The following CFAP46 variants were observed in gnomAD, a reference collection of about 807,000 sequenced individuals.
The protein encoded by CFAP46 is cilia- and flagella-associated protein 46.
CFAP46 carries 245 observed loss-of-function variants against 325.7 expected under a neutral mutation model. The observed-to-expected ratio is 0.75, with a 90% CI of 0.68 to 0.84. The LOEUF is 0.84. Among genes scored for constraint, CFAP46 ranks in the 40% least tolerant of loss-of-function variants. The pLI, the probability that CFAP46 is intolerant of heterozygous loss-of-function variation, is 0.00. For missense variants in CFAP46, 3,346 were observed against 3,543.0 expected (o/e 0.94, Z 1.41); for synonymous variants, 1,523 against 1,495.9 (o/e 1.02, Z -0.42).
rs758060446 is a variant in CFAP46 at position 132,918,510 on chromosome 10, C to T, written c.1869G>A (p.Lys623=). The change falls in exon 16 of 58, where the codon AAG becomes AAA. Residue 623 remains lysine, a synonymous_variant. Coordinates refer to ENST00000368586, the MANE Select transcript of CFAP46 (RefSeq NM_001200049.3). ...KKLRLRRGKK[K]RGRDGSVQDT... ...CCTGCACCGAGCCGTCCCTACCTCG[C>T]TTCTTCTTCCCTGAGAGAAATGGCA... 43 of 1,517,170 alleles carry T rather than the reference C, an allele frequency of 2.8e-5. 1 individual carries two copies. Among genetic ancestry groups the T allele is most frequent in the Admixed American group, 2.1e-4 (10 of 47,208 alleles). The allele number at this position is 1,517,170 out of a possible 1,614,324, so 94.0% of individuals were successfully genotyped here. A position where few individuals can be genotyped will look rare whatever the true frequency, so the allele number is the denominator to read the frequency against.
chr10:132,941,993 T>A lies in CFAP46; in HGVS notation c.161A>T (p.Glu54Val). ...FSPDLFVLCAEQALKMRQPEV... is the reference protein window; with the variant it reads ...FSPDLFVLCAVQALKMRQPEV... ...GGAACTAGTTACCTTCAGGGCCTGC[T>A]CTGCACACAGAACAAACAGGTCTGG... is the stretch of plus-strand genomic sequence containing the variant. Residue 54 changes from glutamate to valine, a missense_variant, in exon 2 of 58, where the codon GAG (glutamate) becomes GTG (valine). Physicochemically the swap from Glu to Val is moderately radical, Grantham distance 121 (BLOSUM62 -2). Coordinates refer to ENST00000368586, the MANE Select transcript of CFAP46 (RefSeq NM_001200049.3). 6.4e-7 allele frequency: 1 copy of A among 1,551,862 alleles called. No individual in the cohort carries two copies. The highest frequency in any genetic ancestry group is 8.7e-7 in the Non-Finnish European group (1 of 1,147,056).
chr10:132,848,919 G>A (rs971807160), intron 41 of CFAP46, among the ~76,000 whole-genome samples: 18 of 152,044 alleles, frequency 1.2e-4, no homozygotes, highest in African/African-American at 4.1e-4. Context: ...ATCAAAACTT[G>A]GGAGACTAAA....
intron 19 of CFAP46, among the ~76,000 whole-genome samples, chr10:132,910,536 A>C (rs1849526531): frequency 6.6e-6 from 1 of 152,250 alleles, no homozygotes. Flanking sequence ...CCGTGTGACC[A>C]GGTGAGTTTC....
Position 132,909,226 on chromosome 10 carries a change from T to G in CFAP46, c.2668A>C (p.Ser890Arg). The G allele has an allele frequency of 6.5e-7, 1 of 1,550,352 alleles. No individual in the cohort carries two copies. The highest frequency in any genetic ancestry group is 1.2e-5 in the South Asian group (1 of 84,058). Residue 890 changes from serine to arginine, a missense_variant, in exon 21 of 58, where the codon AGC becomes CGC. Ser to Arg is a moderately radical substitution (Grantham distance 110). Transcript: ENST00000368586. Reference protein sequence around the residue: ...TEEQGTNEDVSSVTRVLVALE... With the variant: ...TEEQGTNEDVRSVTRVLVALE... ...GCAACGAGGACTCTGGTCACCGAGC[T>G]GACATCCTCATTGGTGCCCTGGTGG...
chr10:132,941,948 T>C (rs1306831700), intron 2 of CFAP46, 32 bp downstream of exon 2: 9 of 1,550,416 alleles, frequency 5.8e-6, no homozygotes, highest in Non-Finnish European at 6.1e-6. Flanking sequence ...CTGTCAAAGC[T>C]GCCCTGACCG....
At chr10:132,814,806 C>T (rs764378524) in intron 51 of CFAP46, 38 bp downstream of exon 51, 14 of 1,613,678 alleles carry the variant, frequency 8.7e-6, no homozygotes, top group Non-Finnish European at 1.0e-5. Context: ...TCCCGCTGTG[C>T]CCACCAGCCC....
chr10:132,813,851 G>A (rs959667921), intron 54 of CFAP46, among the ~76,000 whole-genome samples: 2 of 152,256 alleles, frequency 1.3e-5, no homozygotes, highest in Non-Finnish European at 2.9e-5. Context: ...GGGGGGCAGA[G>A]TCTGCGAGTG....
chr10:132,839,254 C>A (rs564430807), intron 44 of CFAP46, among the ~76,000 whole-genome samples: 3 of 152,350 alleles, frequency 2.0e-5, no homozygotes, highest in African/African-American at 7.2e-5. Flanking sequence ...CCCTGTGTCT[C>A]CCGTGGCCAC....
intron 45 of CFAP46, among the ~76,000 whole-genome samples, 180 bp downstream of exon 45, chr10:132,836,635 GCC>G (rs3833717): frequency 0.026 from 3,877 of 151,862 alleles, 89 homozygotes; most frequent in African/African-American, 0.061. Flanking sequence ...TCTCTGGACG[GCC>G]CCCCCCCCTT....
intron 22 of CFAP46, 128 bp downstream of exon 22, chr10:132,908,340 G>A: frequency 1.7e-6 from 2 of 1,165,714 alleles, no homozygotes; most frequent in Admixed American, 2.2e-5. Flanking sequence ...CGCGGCCCAG[G>A]CCCGCGCTCC....
At chr10:132,810,089 C>T (rs1022784496) in intron 57 of CFAP46, among the ~76,000 whole-genome samples, 1 of 152,184 alleles carries the variant, frequency 6.6e-6, no homozygotes. Flanking sequence ...CCCCTGGGCT[C>T]GTGGGGATTG....
chr10:132,809,185 G>A (rs896726935), intron 57 of CFAP46, among the ~76,000 whole-genome samples: 12 of 152,124 alleles, frequency 7.9e-5, no homozygotes, highest in South Asian at 2.1e-4. Context: ...CTGCTCTGCT[G>A]GGGGGGCGCC....
chr10:132,840,921 G>T (rs909697859), intron 44 of CFAP46, among the ~76,000 whole-genome samples: 4 of 152,196 alleles, frequency 2.6e-5, no homozygotes, highest in African/African-American at 4.8e-5. Context: ...AGAGTCCGGG[G>T]TGGCACAGGG....
chr10:132,934,773 A>G lies in CFAP46; in HGVS notation c.845T>C (p.Phe282Ser). The change falls in exon 8 of 58, where the codon TTT (phenylalanine) becomes TCT (serine). Residue 282 changes from phenylalanine to serine, a missense_variant. Transcript: ENST00000368586. ...TTACTTTTCTTCACTGATAGAGGGAAAGCGCTGGTGGTTGTAATGACCTAA... is the reference window on the plus strand; with the variant it reads ...TTACTTTTCTTCACTGATAGAGGGAGAGCGCTGGTGGTTGTAATGACCTAA... ...RHLGHYNHQRFPSISEEKMLL... is the reference protein window; with the variant it reads ...RHLGHYNHQRSPSISEEKMLL... The G allele has an allele frequency of 6.9e-7, 1 of 1,454,166 alleles. No homozygotes were observed. The highest frequency in any genetic ancestry group is 9.7e-7 in the Non-Finnish European group (1 of 1,036,052). 90.1% of individuals were successfully genotyped at this position (1,454,166 alleles called of 1,614,324 possible).
chr10:132,858,632 CT>C (rs1315290271), intron 38 of CFAP46, among the ~76,000 whole-genome samples: 1 of 152,124 alleles, frequency 6.6e-6, no homozygotes, highest in African/African-American at 2.4e-5. Flanking sequence ...GGGCCACCTC[CT>C]GAGGTCAGGG....
chr10:132,814,666 CG>C lies in CFAP46; in HGVS notation c.7249+19del, dbSNP rs747645051. On this transcript the variant is annotated intron_variant, in intron 52 of 57. Coordinates refer to ENST00000368586, the MANE Select transcript of CFAP46 (RefSeq NM_001200049.3). ...CACAGGGCGGGGTCTGGGGCCCCCC[CG>C]GGGCCCATCAAAGGATACACTTGAA... The C allele has an allele frequency of 2.3e-5, 37 of 1,586,418 alleles. No individual in the cohort carries two copies. The highest frequency in any genetic ancestry group is 2.6e-5 in the Non-Finnish European group (30 of 1,166,288).
At chr10:132,900,620 C>T (rs2135485050) in intron 22 of CFAP46, among the ~76,000 whole-genome samples, 1 of 152,398 alleles carries the variant, frequency 6.6e-6, no homozygotes, top group African/African-American at 2.4e-5. Context: ...CTGCATGGGC[C>T]TGCAGTGCCC....
In CFAP46 at chr10:132,941,718, C is replaced by T. The variant is rs1366770884; in HGVS notation, c.179G>A (p.Arg60Lys). Reference sequence around the variant, plus strand: ...GCAGTCCTCGCTCACCTCTGGCTGCCTCATCTGCAAGAGAACACCACCACA... The same window carrying T: ...GCAGTCCTCGCTCACCTCTGGCTGCTTCATCTGCAAGAGAACACCACCACA... Reference protein sequence around the residue: ...VLCAEQALKMRQPEVSEDCIQ... With the variant: ...VLCAEQALKMKQPEVSEDCIQ... Residue 60 changes from arginine (R) to lysine (K), a missense_variant, in exon 3 of 58, where the codon AGG (arginine) becomes AAG (lysine). Physicochemically the swap from Arg to Lys is conservative, Grantham distance 26 (BLOSUM62 2). Transcript: ENST00000368586. 2 of 1,613,868 alleles carry T rather than the reference C, an allele frequency of 1.2e-6. No homozygotes were observed. Among genetic ancestry groups the T allele is most frequent in the African/African-American group, 2.7e-5 (2 of 74,942 alleles).
chr10:132,910,504 C>A (rs958277700), intron 19 of CFAP46, among the ~76,000 whole-genome samples: 4 of 146,544 alleles, frequency 2.7e-5, no homozygotes, highest in Non-Finnish European at 5.9e-5. Context: ...CTGGGCTGCG[C>A]CCCAGCTCCC....
Sources: gnomAD v4.1 joint callset for allele counts (sites outside exome capture counted in the v4.1 genomes callset) on GRCh38, gnomAD v4.1.1 for gene constraint, MANE v1.5 for transcripts, NCBI Gene and HGNC (gene_info 2026-07-23, HGNC 2026-07-21) for gene names.